Variants in SPATA17 observed in about 807,000 individuals in gnomAD.
The protein encoded by SPATA17 is spermatogenesis associated 17.
In SPATA17, 53 loss-of-function variants were observed where a neutral mutation model predicts 62.2. That is an observed-to-expected ratio of 0.85 (90% CI 0.68 to 1.07). The LOEUF (loss-of-function observed/expected upper bound fraction) is 1.07, where lower values mean the gene tolerates loss of function less well. Among genes scored for constraint, SPATA17 ranks in the 50% least tolerant of loss-of-function variants. The pLI, the probability that SPATA17 is intolerant of heterozygous loss-of-function variation, is 0.00. For synonymous variants in SPATA17, 146 were observed against 146.8 expected, an observed-to-expected ratio of 0.99 and a Z score of 0.04; for missense variants, 466 against 425.5, an observed-to-expected ratio of 1.10 and a Z score of -0.84.
chr1:217,821,119 T>A (rs1674849121), intron 9 of SPATA17, among the ~76,000 whole-genome samples: 1 of 152,076 alleles, frequency 6.6e-6, no homozygotes, highest in Non-Finnish European at 1.5e-5. Context: ...TCATGAGGGA[T>A]CTGTCCCCAT....
chr1:217,690,645 C>A (rs1481569235), intron 5 of SPATA17, among the ~76,000 whole-genome samples: 2 of 100,762 alleles, frequency 2.0e-5, no homozygotes, highest in Non-Finnish European at 3.9e-5. Context: ...CCCCCTCCCC[C>A]CACCCCACCA....
intron 9 of SPATA17, among the ~76,000 whole-genome samples, chr1:217,821,692 A>G (rs1021222454): frequency 6.6e-6 from 1 of 152,078 alleles, no homozygotes; most frequent in South Asian, 2.1e-4. Context: ...TTTATTTTTT[A>G]AGATAGAAGA....
chr1:217,672,066 A>AATTT (rs1409133112), intron 4 of SPATA17, among the ~76,000 whole-genome samples: 1 of 152,138 alleles, frequency 6.6e-6, no homozygotes, highest in East Asian at 1.9e-4. Flanking sequence ...GACTCCAGCC[A>AATTT]ATTTATTTGT....
At chr1:217,865,876 G>T (rs563751909) in intron 10 of SPATA17, among the ~76,000 whole-genome samples, 2 of 152,228 alleles carry the variant, frequency 1.3e-5, no homozygotes, top group East Asian at 1.9e-4. Context: ...CAATTTTGAG[G>T]CCCGATAAGA....
At chr1:217,834,238 C>T (rs1675209550) in intron 9 of SPATA17, among the ~76,000 whole-genome samples, 2 of 152,002 alleles carry the variant, frequency 1.3e-5, no homozygotes, top group Admixed American at 6.6e-5. Flanking sequence ...ATACATAATA[C>T]TTGATAACGA....
At chr1:217,720,743 T>C (rs1171165210) in intron 5 of SPATA17, among the ~76,000 whole-genome samples, 3 of 152,086 alleles carry the variant, frequency 2.0e-5, no homozygotes, top group Non-Finnish European at 4.4e-5. Flanking sequence ...ATCTAGAGAA[T>C]ACAGAAATAG....
chr1:217,782,147 A>C, intron 7 of SPATA17, 27 bp from the exon 8 acceptor site: 1 of 1,551,862 alleles, frequency 6.4e-7, no homozygotes, highest in East Asian at 2.3e-5. Context: ...TTCCATATAA[A>C]ATATGTTCCT....
chr1:217,649,807 A>G (rs565857055), intron 2 of SPATA17, among the ~76,000 whole-genome samples: 2 of 151,842 alleles, frequency 1.3e-5, no homozygotes, highest in Admixed American at 6.6e-5. Context: ...TTCCTGGATA[A>G]GGTAGAGGAA....
intron 3 of SPATA17, among the ~76,000 whole-genome samples, chr1:217,662,115 G>C (rs761506407): frequency 1.3e-5 from 2 of 152,094 alleles, no homozygotes; most frequent in South Asian, 2.1e-4. Context: ...TGGATGGCTT[G>C]TATACATTTT....
At chr1:217,707,354 A>T (rs926413629) in intron 5 of SPATA17, among the ~76,000 whole-genome samples, 1 of 152,124 alleles carries the variant, frequency 6.6e-6, no homozygotes, top group Non-Finnish European at 1.5e-5. Flanking sequence ...CTTGGTGTAG[A>T]ATCATATCAT....
At chr1:217,847,050 T>A (rs1203468101) in intron 9 of SPATA17, among the ~76,000 whole-genome samples, 1 of 152,044 alleles carries the variant, frequency 6.6e-6, no homozygotes, top group Admixed American at 6.6e-5. Context: ...TTTCACTTTA[T>A]TCAAGAAATT....
intron 9 of SPATA17, among the ~76,000 whole-genome samples, chr1:217,812,750 A>G (rs1331462723): frequency 6.6e-6 from 1 of 152,332 alleles, no homozygotes; most frequent in Non-Finnish European, 1.5e-5. Flanking sequence ...TACTAAAAAC[A>G]TCCTTTTGGT....
intron 3 of SPATA17, among the ~76,000 whole-genome samples, chr1:217,661,666 A>G (rs961358156): frequency 2.0e-5 from 3 of 152,134 alleles, no homozygotes; most frequent in African/African-American, 4.8e-5. Flanking sequence ...ATCTAGCAAC[A>G]TAACCCAAAT....
intron 9 of SPATA17, among the ~76,000 whole-genome samples, chr1:217,837,394 G>A (rs1269781727): frequency 1.3e-5 from 2 of 152,042 alleles, no homozygotes. Flanking sequence ...GTTCCCTGCA[G>A]GGATACATAT....
chr1:217,716,826 G>T (rs778873527), intron 5 of SPATA17, among the ~76,000 whole-genome samples: 7 of 152,192 alleles, frequency 4.6e-5, no homozygotes, highest in Non-Finnish European at 8.8e-5. Flanking sequence ...GGCAATCACA[G>T]CAAGTCATTT....
intron 6 of SPATA17, among the ~76,000 whole-genome samples, chr1:217,768,216 G>A (rs1232516112): frequency 6.6e-6 from 1 of 152,078 alleles, no homozygotes; most frequent in Non-Finnish European, 1.5e-5. Flanking sequence ...CTGCACTCCA[G>A]CCTGGCGACA....
Position 217,708,554 on chromosome 1 carries a change from A to T in SPATA17, c.395+25193A>T, listed in dbSNP as rs547778018. On this transcript the variant is annotated intron_variant, in intron 5 of 10. Coordinates refer to ENST00000366933, the MANE Select transcript of SPATA17 (RefSeq NM_138796.4). The stretch of plus-strand genomic sequence containing the variant: ...AATAATGAGTTCCAAAGTTGAATCA[A>T]TAATAAGAAGCCTACCAACCAGAAA... Among the ~76,000 whole-genome samples the T allele has an allele frequency of 4.6e-5, 7 of 152,260 alleles. No homozygotes were observed. In the East Asian group the frequency reaches 1.4e-3, roughly 29 times the overall value.
chr1:217,800,654 A>G (rs1425722201), intron 8 of SPATA17, among the ~76,000 whole-genome samples: 1 of 151,978 alleles, frequency 6.6e-6, no homozygotes, highest in Non-Finnish European at 1.5e-5. Context: ...GAGCTTTTCC[A>G]TGGTTCTGCA....
chr1:217,807,845 C>T (rs1674475957), intron 9 of SPATA17, among the ~76,000 whole-genome samples: 1 of 152,180 alleles, frequency 6.6e-6, no homozygotes, highest in African/African-American at 2.4e-5. Context: ...ATGCGTTTAA[C>T]CTGTTGTTTC....
Sources: allele counts gnomAD v4.1 joint callset (sites outside exome capture counted in the v4.1 genomes callset), GRCh38; gene constraint gnomAD v4.1.1; transcripts MANE v1.5; gene names NCBI Gene and HGNC (gene_info 2026-07-23, HGNC 2026-07-21).